SCYL3: variants seen among roughly 807,000 people sequenced by gnomAD.
SCYL3 encodes SCY1 like pseudokinase 3, also known as protein-associating with the carboxyl-terminal domain of ezrin.
Under a neutral mutation model 73.8 loss-of-function variants are expected in SCYL3, and 35 were observed. The observed-to-expected ratio is 0.47, with a 90% confidence interval of 0.36 to 0.63. The LOEUF (loss-of-function observed/expected upper bound fraction) is 0.63, where lower values mean the gene tolerates loss of function less well. Ranked by LOEUF, SCYL3 falls within the 20% of genes least tolerant of loss-of-function variation. The pLI is 0.00. For synonymous variants in SCYL3, 277 were observed against 295.2 expected (o/e 0.94, Z 0.63); for missense variants, 712 against 798.9 (o/e 0.89, Z 1.31).
chr1:169,892,783 C>A (rs1404368816), intron 1 of SCYL3, among the ~76,000 whole-genome samples: 1 of 152,182 alleles, frequency 6.6e-6, no homozygotes, highest in East Asian at 1.9e-4. Context: ...GGTCAAAGGG[C>A]AACTCATACA....
intron 1 of SCYL3, among the ~76,000 whole-genome samples, chr1:169,889,890 A>G (rs746964065): frequency 3.3e-5 from 5 of 152,246 alleles, no homozygotes; most frequent in Non-Finnish European, 5.9e-5. Context: ...CTTGAAAAAT[A>G]TATGTTGAAG....
At chr1:169,882,899 G>A (rs1194884732) in intron 2 of SCYL3, among the ~76,000 whole-genome samples, 1 of 152,138 alleles carries the variant, frequency 6.6e-6, no homozygotes, top group Non-Finnish European at 1.5e-5. Flanking sequence ...GATGTGGGTC[G>A]GGCCGGATAA....
At chr1:169,872,144 G>C (rs1444567900) in intron 5 of SCYL3, among the ~76,000 whole-genome samples, 1 of 152,248 alleles carries the variant, frequency 6.6e-6, no homozygotes, top group African/African-American at 2.4e-5. Flanking sequence ...TCACAGGCCT[G>C]CAGGCCTAGG....
chr1:169,853,721 T>C lies in SCYL3; in HGVS notation c.2059A>G (p.Asn687Asp). 6.2e-7 allele frequency: 1 copy of C among 1,613,734 alleles called. No individual in the cohort carries two copies. Among genetic ancestry groups the C allele is most frequent in the Non-Finnish European group, 8.5e-7 (1 of 1,179,806 alleles). ...EEGELNWEDN[N>D]W The stretch of plus-strand genomic sequence containing the variant: ...TTAACTCACATCTATTGTCACCAGT[T>C]ATTATCTTCCCAGTTCAGCTCCCCT... The change falls in exon 13 of 13, where the codon AAC (asparagine) becomes GAC (aspartate). Residue 687 changes from asparagine to aspartate, a missense_variant. Transcript: ENST00000367771.
chr1:169,860,614 C>T (rs1373805310), intron 10 of SCYL3, among the ~76,000 whole-genome samples: 1 of 152,194 alleles, frequency 6.6e-6, no homozygotes, highest in Non-Finnish European at 1.5e-5. Context: ...GCTAACAGAT[C>T]ACTTTCTGTA....
At chr1:169,857,000 GTTCA>G (rs1442868742) in intron 11 of SCYL3, among the ~76,000 whole-genome samples, 1 of 152,162 alleles carries the variant, frequency 6.6e-6, no homozygotes, top group Non-Finnish European at 1.5e-5. Context: ...TACATAACAA[GTTCA>G]TTGTCTTACT....
chr1:169,874,387 C>T (rs1453738419), intron 4 of SCYL3, among the ~76,000 whole-genome samples: 1 of 152,198 alleles, frequency 6.6e-6, no homozygotes, highest in Non-Finnish European at 1.5e-5. Flanking sequence ...CATAAACGTG[C>T]TAAGTGCCCT....
At chr1:169,893,337 C>G (rs1211775565) in intron 1 of SCYL3, among the ~76,000 whole-genome samples, 2 of 152,138 alleles carry the variant, frequency 1.3e-5, no homozygotes, top group Non-Finnish European at 2.9e-5. Context: ...GGCGGGCGCG[C>G]CCCCAGGATC....
rs905823166 is a variant in SCYL3, at chr1:169,851,662, C to A, written c.*2051G>T. On this transcript the variant is annotated 3_prime_UTR_variant, in exon 13 of 13. Coordinates refer to ENST00000367771, the MANE Select transcript of SCYL3 (RefSeq NM_020423.7). ...AAGAACACAGTAGAGTGATTTAATCCAGATTATACTAAGAGTATTTATAGA... is the reference window on the plus strand; with the variant it reads ...AAGAACACAGTAGAGTGATTTAATCAAGATTATACTAAGAGTATTTATAGA... The A allele has an allele frequency of 6.0e-6, 5 of 829,272 alleles. No individual in the cohort carries two copies. The African/African-American group carries it at 8.6e-5, about 14-fold the overall frequency. The allele number at this position is 829,272 out of a possible 1,614,324, so 51.4% of individuals were successfully genotyped here. A position where few individuals can be genotyped will look rare whatever the true frequency, so the allele number is the denominator to read the frequency against.
intron 2 of SCYL3, among the ~76,000 whole-genome samples, chr1:169,886,235 C>T (rs748398431): frequency 6.6e-6 from 1 of 152,068 alleles, no homozygotes; most frequent in African/African-American, 2.4e-5. Flanking sequence ...CACTTCAACC[C>T]GGGAGGCAGA....
chr1:169,863,840 A>G (rs1447202838), intron 9 of SCYL3, among the ~76,000 whole-genome samples: 3 of 152,246 alleles, frequency 2.0e-5, no homozygotes, highest in East Asian at 1.9e-4. Flanking sequence ...GCAGGATTCT[A>G]CGTAACTTAA....
At position 169,854,418 on chromosome 1, in the gene SCYL3, T is replaced by C. The variant is rs1658923088; in HGVS notation, c.1859A>G (p.Asp620Gly). 6.2e-7 allele frequency: 1 copy of C among 1,614,074 alleles called. No individual in the cohort carries two copies. Among genetic ancestry groups the C allele is most frequent in the African/African-American group, 1.3e-5 (1 of 75,012 alleles). ...TTCTGGGATCATATCAGCAAACCAA[T>C]CCATCTCAGGATCTTTTACTGGCTT... Reference protein sequence around the residue: ...KKKPVKDPEMDWFADMIPEIK... With the variant: ...KKKPVKDPEMGWFADMIPEIK... The change falls in exon 12 of 13, where the codon GAT becomes GGT. Residue 620 changes from aspartate (D) to glycine (G), a missense_variant. Transcript: ENST00000367771.
intron 10 of SCYL3, among the ~76,000 whole-genome samples, chr1:169,860,285 TCA>T (rs1425138054): frequency 1.3e-5 from 2 of 152,256 alleles, no homozygotes; most frequent in African/African-American, 2.4e-5. Context: ...AAAATGAGTT[TCA>T]GTTACTTGCA....
chr1:169,880,794 C>T (rs1661185485), intron 2 of SCYL3, among the ~76,000 whole-genome samples: 1 of 145,488 alleles, frequency 6.9e-6, no homozygotes, highest in Non-Finnish European at 1.5e-5. Context: ...CGGGGTCTCA[C>T]TCTATCTCCT....
rs1658670303 is a variant in SCYL3, at chr1:169,853,314, A to AGTT, written c.*396_*398dup. ...ATAATTTATAGCTAAAATTTTTTAA[A>AGTT]GTTGTATTTCATAATAGAGCTTACT... On this transcript the variant is annotated 3_prime_UTR_variant, in exon 13 of 13. Coordinates refer to ENST00000367771, the MANE Select transcript of SCYL3 (RefSeq NM_020423.7). 5.9e-6 allele frequency: 2 copies of AGTT among 338,198 alleles called. No homozygotes were observed. The highest frequency in any genetic ancestry group is 2.1e-5 in the African/African-American group (1 of 47,022). 20.9% of individuals were successfully genotyped at this position (338,198 alleles called of 1,614,324 possible).
At chr1:169,878,109 C>G (rs771853186) in intron 3 of SCYL3, among the ~76,000 whole-genome samples, 6 of 152,180 alleles carry the variant, frequency 3.9e-5, no homozygotes, top group Non-Finnish European at 8.8e-5. Flanking sequence ...ATCAGAGAGC[C>G]AAGCACACTG....
In SCYL3 at chr1:169,854,744, C is replaced by T; in HGVS notation, c.1533G>A (p.Val511=). Residue 511 remains valine, a synonymous_variant, in exon 12 of 13, where the codon GTG becomes GTA. Coordinates refer to ENST00000367771, the MANE Select transcript of SCYL3 (RefSeq NM_020423.7). Reference sequence around the variant, plus strand: ...CGCAGTCATCCCAAGATGACTCTTCCACATCCAAGGTAGTGCACTGGGACT... The same window carrying T: ...CGCAGTCATCCCAAGATGACTCTTCTACATCCAAGGTAGTGCACTGGGACT... The part of the protein sequence containing the change: ...DVKSQCTTLD[V]EESSWDDCEP... The T allele has an allele frequency of 6.2e-7, 1 of 1,613,986 alleles. No homozygotes were observed. Among genetic ancestry groups the T allele is most frequent in the Non-Finnish European group, 8.5e-7 (1 of 1,179,926 alleles).
At chr1:169,867,686 A>C (rs746026299) in intron 7 of SCYL3, among the ~76,000 whole-genome samples, 1 of 152,190 alleles carries the variant, frequency 6.6e-6, no homozygotes, top group Non-Finnish European at 1.5e-5. Context: ...TCTAAACTTA[A>C]ATCTAATCAA....
intron 1 of SCYL3, among the ~76,000 whole-genome samples, chr1:169,893,303 C>T (rs1032632519): frequency 6.6e-6 from 1 of 152,256 alleles, no homozygotes; most frequent in East Asian, 1.9e-4. Flanking sequence ...GGTCTTGGAT[C>T]AAGAATGAGG....
Sources: gnomAD v4.1 joint callset for allele counts (sites outside exome capture counted in the v4.1 genomes callset) on GRCh38, gnomAD v4.1.1 for gene constraint, MANE v1.5 for transcripts, NCBI Gene and HGNC (gene_info 2026-07-23, HGNC 2026-07-21) for gene names.